MAP2K2: variants seen among roughly 807,000 people sequenced by gnomAD.
MAP2K2 encodes the protein dual specificity mitogen-activated protein kinase kinase 2.
Under a neutral mutation model 43.7 loss-of-function variants are expected in MAP2K2, and 24 were observed. That is an observed-to-expected ratio of 0.55 (90% CI 0.40 to 0.77). The LOEUF (loss-of-function observed/expected upper bound fraction) is 0.77. Among genes scored for constraint, MAP2K2 ranks in the 30% least tolerant of loss-of-function variants. MAP2K2 has a pLI of 0.00. For synonymous variants in MAP2K2, 244 were observed against 239.7 expected, an observed-to-expected ratio of 1.02 and a Z score of -0.17; for missense variants, 470 against 566.8, an observed-to-expected ratio of 0.83 and a Z score of 1.73.
chr19:4,107,768 G>A (rs983491044), intron 3 of MAP2K2, among the ~76,000 whole-genome samples: 14 of 152,090 alleles, frequency 9.2e-5, no homozygotes, highest in African/African-American at 3.1e-4. Context: ...AGAAATATGA[G>A]GAAACAGCGT....
intron 2 of MAP2K2, among the ~76,000 whole-genome samples, chr19:4,111,845 C>T (rs1358224759): frequency 3.9e-5 from 6 of 152,102 alleles, no homozygotes; most frequent in Non-Finnish European, 7.4e-5. Flanking sequence ...CCCAGCTACT[C>T]GGGAGGCTGA....
Position 4,097,223 on chromosome 19 carries a change from A to AG in MAP2K2, c.984+55_984+56insC, listed in dbSNP as rs970470096. The AG allele has an allele frequency of 4.8e-6, 6 of 1,249,908 alleles. No homozygotes were observed. The African/African-American group carries it at 6.1e-5, about 13-fold the overall frequency. 77.4% of individuals were successfully genotyped at this position (1,249,908 alleles called of 1,614,324 possible). On this transcript the variant is annotated intron_variant, in intron 8 of 10. Transcript: ENST00000262948. ...CTCTGCCTAAAAAAAAAAAAAAAAAAAAAAAGAAAGAAGAAAGAAAAGGAA... is the reference window on the plus strand; with the variant it reads ...CTCTGCCTAAAAAAAAAAAAAAAAAAGAAAAAGAAAGAAGAAAGAAAAGGAA...
At chr19:4,120,447 G>A (rs1334477366) in intron 1 of MAP2K2, among the ~76,000 whole-genome samples, 4 of 152,196 alleles carry the variant, frequency 2.6e-5, no homozygotes, top group Non-Finnish European at 5.9e-5. Flanking sequence ...CTGAGTAGCT[G>A]GGATTACAGG....
Position 4,101,476 on chromosome 19 carries a change from G to A in MAP2K2, c.529-196C>T, listed in dbSNP as rs970103751. Reference sequence around the variant, plus strand: ...ACAGTGCTGACAGCCCTGTGCTGGCGTGTGCAAGTCAACCCCGGTTCCCAT... The same window carrying A: ...ACAGTGCTGACAGCCCTGTGCTGGCATGTGCAAGTCAACCCCGGTTCCCAT... On this transcript the variant is annotated intron_variant, in intron 4 of 10. Coordinates refer to ENST00000262948, the MANE Select transcript of MAP2K2 (RefSeq NM_030662.4). This position sits in a 1 kb window ranked among gnomAD's most constrained non-coding sequence, Gnocchi z 6.3. Among the ~76,000 whole-genome samples the A allele has an allele frequency of 3.9e-5, 6 of 152,188 alleles. No individual in the cohort carries two copies. Among genetic ancestry groups the A allele is most frequent in the African/African-American group, 9.7e-5 (4 of 41,442 alleles).
chr19:4,123,550 AGGGCCCCCTGCCCCGTCCTCCCCCG>A, intron 1 of MAP2K2, among the ~76,000 whole-genome samples: 4 of 30,776 alleles, frequency 1.3e-4, no homozygotes, highest in Non-Finnish European at 2.7e-4. Flanking sequence ...CCGTCCTCCG[AGGGCCCCCTGCCCCGTCCTCCCCCG>A]AGGGCCCCCT....
intron 10 of MAP2K2, among the ~76,000 whole-genome samples, chr19:4,093,240 C>G (rs776992690): frequency 6.6e-6 from 1 of 151,836 alleles, no homozygotes; most frequent in Non-Finnish European, 1.5e-5. Context: ...ACAAAACCCA[C>G]ACACAAAAAC....
chr19:4,108,974 A>G (rs1193941276), intron 3 of MAP2K2, among the ~76,000 whole-genome samples: 1 of 152,220 alleles, frequency 6.6e-6, no homozygotes, highest in Non-Finnish European at 1.5e-5. Context: ...GGCAGACGCC[A>G]GGTCTCCCTC....
chr19:4,092,888 T>C (rs35260267), intron 10 of MAP2K2, among the ~76,000 whole-genome samples: 4,918 of 151,748 alleles, frequency 0.032, 104 homozygotes, highest in Non-Finnish European at 0.048. Context: ...CCTGGACAAT[T>C]AGCAAGACCC....
chr19:4,100,060 C>T (rs549065223), intron 6 of MAP2K2: 3 of 153,538 alleles, frequency 2.0e-5, no homozygotes, highest in Non-Finnish European at 4.4e-5. Context: ...TCCTGGCTGA[C>T]ATGGTGAAAC....
intron 1 of MAP2K2, among the ~76,000 whole-genome samples, chr19:4,118,835 T>C (rs997212521): frequency 1.4e-4 from 21 of 152,220 alleles, no homozygotes; most frequent in African/African-American, 5.1e-4. Context: ...TGCACTTTAT[T>C]GGGTGATTCA....
chr19:4,099,771 C>A, intron 6 of MAP2K2: 1 of 338,120 alleles, frequency 3.0e-6, no homozygotes. Context: ...GTTGCTGAAT[C>A]CCCAGTCGTT....
intron 7 of MAP2K2, among the ~76,000 whole-genome samples, chr19:4,098,596 G>A (rs1040323786): frequency 6.6e-6 from 1 of 152,106 alleles, no homozygotes; most frequent in Non-Finnish European, 1.5e-5. Context: ...GTGTCCGCTC[G>A]GCCCTCTCTG....
rs730880523 is a variant in MAP2K2 at position 4,099,264 on chromosome 19, C to G, written c.856G>C (p.Gly286Arg). ...EAIFGRPVVD[G>R]EEGEPHSISP... Reference sequence around the variant, plus strand: ...ATGCTGTGAGGCTCTCCTTCTTCCCCGTCGACCACGGGCCGGCCAAAGATG... The same window carrying G: ...ATGCTGTGAGGCTCTCCTTCTTCCCGGTCGACCACGGGCCGGCCAAAGATG... Residue 286 changes from glycine (G) to arginine (R), a missense_variant, in exon 7 of 11, where the codon GGG becomes CGG. Gly to Arg is a moderately radical substitution (Grantham distance 125). Transcript: ENST00000262948. 1.9e-6 allele frequency: 3 copies of G among 1,605,596 alleles called. No homozygotes were observed. The highest frequency in any genetic ancestry group is 2.5e-6 in the Non-Finnish European group (3 of 1,176,642).
intron 3 of MAP2K2, among the ~76,000 whole-genome samples, chr19:4,107,625 T>G (rs578166194): frequency 6.6e-6 from 1 of 151,676 alleles, no homozygotes; most frequent in Admixed American, 6.6e-5. Context: ...GAGGATCGTT[T>G]GAGCCCAAGA....
intron 2 of MAP2K2, among the ~76,000 whole-genome samples, chr19:4,117,185 G>C (rs887835105): frequency 6.6e-6 from 1 of 152,210 alleles, no homozygotes; most frequent in Non-Finnish European, 1.5e-5. Flanking sequence ...GTGCCCTCCA[G>C]GGCAGAAAGT....
intron 2 of MAP2K2, among the ~76,000 whole-genome samples, chr19:4,113,351 A>G (rs1488799437): frequency 7.2e-5 from 11 of 152,284 alleles, no homozygotes; most frequent in Non-Finnish European, 1.6e-4. Context: ...GGGCCTGTCG[A>G]GCGAGCATTC....
rs764596396 is a variant in MAP2K2, at chr19:4,110,561, A to C, written c.398T>G (p.Phe133Cys). The change falls in exon 3 of 11, where the codon TTC becomes TGC. Residue 133 changes from phenylalanine (F) to cysteine (C), a missense_variant. This residue lies in a region of MAP2K2 where 200 missense variants were observed against 297.9 expected (regional missense o/e 0.67). Transcript: ENST00000262948. ...CCCGTCACTGTAGAAGGCCCCGTAG[A>C]AGCCCACGATGTACGGCGAGTTGCA... Reference protein sequence around the residue: ...HECNSPYIVGFYGAFYSDGEI... With the variant: ...HECNSPYIVGCYGAFYSDGEI... The C allele has an allele frequency of 1.2e-6, 2 of 1,614,030 alleles. No individual in the cohort carries two copies. The highest frequency in any genetic ancestry group is 1.3e-5 in the African/African-American group (1 of 75,056).
intron 8 of MAP2K2, 23 bp downstream of exon 8, chr19:4,097,256 G>T: frequency 8.2e-7 from 1 of 1,225,810 alleles, no homozygotes; most frequent in Non-Finnish European, 1.2e-6. Context: ...GAAAAGAAAA[G>T]CCAAAAGGCA....
chr19:4,095,059 C>A, intron 9 of MAP2K2: 1 of 371,230 alleles, frequency 2.7e-6, no homozygotes, highest in Non-Finnish European at 5.0e-6. Flanking sequence ...GCGGGCGGAT[C>A]CCGGGGAGCC....
Sources: gnomAD v4.1 joint callset for allele counts (sites outside exome capture counted in the v4.1 genomes callset) on GRCh38, gnomAD v4.1.1 for gene constraint, gnomAD v4.1.1 regional missense constraint, Gnocchi (gnomAD v3.1) non-coding constraint, MANE v1.5 for transcripts, NCBI Gene and HGNC (gene_info 2026-07-23, HGNC 2026-07-21) for gene names.